Variants in NR2F1-AS1 observed in about 807,000 individuals in gnomAD.
NR2F1-AS1 encodes the protein NR2F1 antisense RNA 1.
intron 4 of NR2F1-AS1, among the ~76,000 whole-genome samples, chr5:93,450,998 A>G (rs1423289401): frequency 6.6e-6 from 1 of 151,978 alleles, no homozygotes; most frequent in Non-Finnish European, 1.5e-5. Context: ...AACTCTTAAC[A>G]AAACTCTTAA....
chr5:93,585,053 T>C, upstream of NR2F1-AS1: 1 of 1,032,724 alleles, frequency 9.7e-7, no homozygotes, highest in Non-Finnish European at 1.2e-6. Context: ...GCTGGCGAGA[T>C]CCGCAGGACG....
intron 4 of NR2F1-AS1, among the ~76,000 whole-genome samples, chr5:93,426,945 T>G (rs1343531121): frequency 6.6e-6 from 1 of 152,218 alleles, no homozygotes; most frequent in Non-Finnish European, 1.5e-5. Flanking sequence ...ACTTGGGAAC[T>G]GCATAATTTA....
At chr5:93,482,625 G>A (rs1020333586) in intron 4 of NR2F1-AS1, among the ~76,000 whole-genome samples, 11 of 152,034 alleles carry the variant, frequency 7.2e-5, no homozygotes, top group East Asian at 3.9e-4. Flanking sequence ...TTGTAAAGGC[G>A]GCTAAAGCCA....
rs191774611 is a variant in NR2F1-AS1 at position 93,567,800 on chromosome 5, G to A, written n.314-4337C>T. ...AATAAAGATTTTTCTTCCACAGTGT[G>A]GTGAACCCAAGGGCCAGTGACTGTA... On this transcript the variant is annotated intron_variant and non_coding_transcript_variant, in intron 1 of 5. Transcript: ENST00000660523. Among the ~76,000 whole-genome samples, 568 of 152,290 alleles carry A rather than the reference G, an allele frequency of 3.7e-3. 7 individuals carry two copies. The highest frequency in any genetic ancestry group is 8.1e-4 in the Non-Finnish European group (55 of 68,010).
chr5:93,522,568 A>G (rs1751523807), intron 4 of NR2F1-AS1, among the ~76,000 whole-genome samples: 1 of 152,238 alleles, frequency 6.6e-6, no homozygotes, highest in Non-Finnish European at 1.5e-5. Context: ...ATGGCCGAAT[A>G]GGAAGAGCTC....
intron 4 of NR2F1-AS1, among the ~76,000 whole-genome samples, chr5:93,465,113 G>A (rs1441335862): frequency 6.6e-6 from 1 of 152,120 alleles, no homozygotes; most frequent in South Asian, 2.1e-4. Flanking sequence ...CACAGCAAAA[G>A]AAATTATCAT....
intron 4 of NR2F1-AS1, among the ~76,000 whole-genome samples, chr5:93,514,418 G>A (rs1435832806): frequency 6.6e-6 from 1 of 151,988 alleles, no homozygotes; most frequent in African/African-American, 2.4e-5. Context: ...CCTGCCAAAG[G>A]ATTTTTACCT....
chr5:93,495,687 A>C (rs1298942003), intron 4 of NR2F1-AS1, among the ~76,000 whole-genome samples: 1 of 152,088 alleles, frequency 6.6e-6, no homozygotes, highest in African/African-American at 2.4e-5. Flanking sequence ...GTACTTTATA[A>C]AATTTTAATA....
At chr5:93,568,013 A>G (rs1391351643) in intron 1 of NR2F1-AS1, among the ~76,000 whole-genome samples, 6 of 152,198 alleles carry the variant, frequency 3.9e-5, no homozygotes, top group African/African-American at 1.4e-4. Context: ...TTACCTACTA[A>G]TCTACAACTT....
At chr5:93,549,726 A>G (rs1291758390) in intron 4 of NR2F1-AS1, among the ~76,000 whole-genome samples, 3 of 152,136 alleles carry the variant, frequency 2.0e-5, no homozygotes, top group Admixed American at 6.6e-5. Flanking sequence ...TTCTTAATAT[A>G]TCAATCACAT....
chr5:93,448,220 C>T (rs949958251), intron 4 of NR2F1-AS1, among the ~76,000 whole-genome samples: 2 of 151,996 alleles, frequency 1.3e-5, no homozygotes, highest in African/African-American at 4.8e-5. Flanking sequence ...TGCTGACTCC[C>T]ACTTATAACA....
At chr5:93,509,407 G>A (rs1751250503) in intron 4 of NR2F1-AS1, among the ~76,000 whole-genome samples, 2 of 152,048 alleles carry the variant, frequency 1.3e-5, no homozygotes, top group African/African-American at 4.8e-5. Flanking sequence ...CAAAGAAACT[G>A]AATGTGTTTT....
intron 4 of NR2F1-AS1, among the ~76,000 whole-genome samples, chr5:93,442,819 C>T (rs1749603834): frequency 6.6e-6 from 1 of 152,198 alleles, no homozygotes; most frequent in Non-Finnish European, 1.5e-5. Flanking sequence ...CCTCATACAG[C>T]CAGATGCCCC....
At chr5:93,429,828 C>A (rs1030347973) in intron 4 of NR2F1-AS1, among the ~76,000 whole-genome samples, 1 of 152,292 alleles carries the variant, frequency 6.6e-6, no homozygotes, top group African/African-American at 2.4e-5. Context: ...GGATAATAGA[C>A]AAACCAACAG....
intron 2 of NR2F1-AS1, among the ~76,000 whole-genome samples, chr5:93,560,232 T>A (rs1028710537): frequency 6.6e-6 from 1 of 152,220 alleles, no homozygotes; most frequent in African/African-American, 2.4e-5. Context: ...GTTTATAAAT[T>A]AAGGATTTTT....
intron 4 of NR2F1-AS1, among the ~76,000 whole-genome samples, chr5:93,450,800 C>T (rs1311873940): frequency 4.0e-5 from 6 of 151,696 alleles, no homozygotes; most frequent in South Asian, 4.2e-4. Flanking sequence ...CAGTGGCTCA[C>T]GCCTGTAATC....
intron 2 of NR2F1-AS1, among the ~76,000 whole-genome samples, chr5:93,562,195 A>AAAAAAAAAGAAAAGAAAAG (rs755007063): frequency 7.3e-6 from 1 of 136,664 alleles, no homozygotes; most frequent in African/African-American, 3.0e-5. Flanking sequence ...AAAAAAAAAA[A>AAAAAAAAAGAAAAGAAAAG]AAAAGAAAAG....
At chr5:93,466,918 G>GT (rs1750249550) in intron 4 of NR2F1-AS1, among the ~76,000 whole-genome samples, 1 of 87,496 alleles carries the variant, frequency 1.1e-5, no homozygotes, top group Non-Finnish European at 2.4e-5. Flanking sequence ...GGGGGGGGGG[G>GT]TGGACGGAGT....
intron 1 of NR2F1-AS1, among the ~76,000 whole-genome samples, chr5:93,569,226 C>G (rs561076866): frequency 1.3e-5 from 2 of 152,136 alleles, no homozygotes; most frequent in South Asian, 4.1e-4. Context: ...CACAGGAAGA[C>G]AGAAGAGAAG....
Sources: allele counts gnomAD v4.1 joint callset (sites outside exome capture counted in the v4.1 genomes callset), GRCh38; gene constraint gnomAD v4.1.1; transcripts MANE v1.5; gene names NCBI Gene and HGNC (gene_info 2026-07-23, HGNC 2026-07-21).